FHIT: variants seen among roughly 807,000 people sequenced by gnomAD.
The protein encoded by FHIT is fragile histidine triad diadenosine triphosphatase.
A neutral mutation model predicts 17.9 loss-of-function variants in FHIT; 19 were observed. The observed-to-expected ratio is 1.06, with a 90% CI of 0.74 to 1.56. The LOEUF (loss-of-function observed/expected upper bound fraction) is 1.56, where lower values mean the gene tolerates loss of function less well. Ranked by LOEUF, FHIT falls within the 40% of genes most tolerant of loss-of-function variation. FHIT has a pLI of 0.00. For synonymous variants in FHIT, 81 were observed against 69.7 expected (o/e 1.16, Z -0.81); for missense variants, 248 against 189.2 (o/e 1.31, Z -1.82).
chr3:60,974,680 T>G (rs1157810801), intron 3 of FHIT, among the ~76,000 whole-genome samples: 1 of 152,004 alleles, frequency 6.6e-6, no homozygotes, highest in Non-Finnish European at 1.5e-5. Context: ...TCAACAAGAG[T>G]GATTAACCCT....
At chr3:59,983,454 T>A (rs566640982) in intron 7 of FHIT, among the ~76,000 whole-genome samples, 1 of 152,148 alleles carries the variant, frequency 6.6e-6, no homozygotes, top group Non-Finnish European at 1.5e-5. Context: ...ATTATTAACT[T>A]TGTACTACAA....
At position 60,284,467 on chromosome 3, in the gene FHIT, T is replaced by C. The variant is rs1043132393; in HGVS notation, c.103+252393A>G. The stretch of plus-strand genomic sequence containing the variant: ...GAGTTAATCCTGAAACCTATCCCAC[T>C]TGCCTGTATTTACAAGGTAGGTCAT... On this transcript the variant is annotated intron_variant, in intron 5 of 9. Coordinates refer to ENST00000492590, the MANE Select transcript of FHIT (RefSeq NM_002012.4). Among the ~76,000 whole-genome samples the C allele has an allele frequency of 2.6e-5, 4 of 152,112 alleles. No individual in the cohort carries two copies. The East Asian group carries it at 5.8e-4, about 22-fold the overall frequency.
chr3:60,124,051 G>GAC (rs1559653978), intron 5 of FHIT, among the ~76,000 whole-genome samples: 10 of 118,792 alleles, frequency 8.4e-5, no homozygotes, highest in African/African-American at 2.6e-4. Flanking sequence ...GAGAGAGAGA[G>GAC]AGAGACAGAG....
chr3:60,119,723 G>A (rs1037512854), intron 5 of FHIT, among the ~76,000 whole-genome samples: 3 of 152,068 alleles, frequency 2.0e-5, no homozygotes, highest in Non-Finnish European at 2.9e-5. Context: ...TTGAGTACTG[G>A]TGACTCAATT....
chr3:59,844,491 G>A (rs1264213083), intron 8 of FHIT, among the ~76,000 whole-genome samples: 2 of 150,930 alleles, frequency 1.3e-5, no homozygotes, highest in Non-Finnish European at 3.0e-5. Flanking sequence ...TGTTGAGTGT[G>A]TGTGTCTGTG....
At chr3:59,980,563 C>T (rs1242519155) in intron 7 of FHIT, among the ~76,000 whole-genome samples, 4 of 152,122 alleles carry the variant, frequency 2.6e-5, no homozygotes, top group African/African-American at 9.7e-5. Context: ...ACTAGTGGAG[C>T]TCCTGGATCA....
At chr3:60,358,362 G>C (rs1017737293) in intron 5 of FHIT, among the ~76,000 whole-genome samples, 1 of 152,150 alleles carries the variant, frequency 6.6e-6, no homozygotes, top group African/African-American at 2.4e-5. Context: ...CTGTGAACTT[G>C]CCATGAATTG....
intron 5 of FHIT, among the ~76,000 whole-genome samples, chr3:60,503,601 A>G (rs1166166499): frequency 1.3e-5 from 2 of 152,212 alleles, no homozygotes; most frequent in Middle Eastern, 3.2e-3. Flanking sequence ...AACAAACTAA[A>G]TATTCAAAAC....
chr3:60,479,063 G>C (rs905568537), intron 5 of FHIT, among the ~76,000 whole-genome samples: 1 of 152,198 alleles, frequency 6.6e-6, no homozygotes, highest in African/African-American at 2.4e-5. Flanking sequence ...AAGAGGACTA[G>C]ACTTGAGGGG....
intron 5 of FHIT, among the ~76,000 whole-genome samples, chr3:60,116,684 C>T (rs1704977001): frequency 2.6e-5 from 4 of 151,960 alleles, no homozygotes; most frequent in Admixed American, 2.6e-4. Flanking sequence ...AAAAGTAGCC[C>T]CAATATTAAA....
intron 2 of FHIT, among the ~76,000 whole-genome samples, chr3:61,186,710 G>T (rs1353802508): frequency 6.6e-6 from 1 of 152,206 alleles, no homozygotes; most frequent in African/African-American, 2.4e-5. Context: ...AAATGAGTAA[G>T]CTATCCTGTG....
chr3:60,550,699 G>A (rs1576858959), intron 4 of FHIT, among the ~76,000 whole-genome samples: 1 of 151,356 alleles, frequency 6.6e-6, no homozygotes. Flanking sequence ...AGATGTTCAG[G>A]GATTACATAT....
chr3:60,355,282 G>A (rs1364841667), intron 5 of FHIT, among the ~76,000 whole-genome samples: 2 of 152,164 alleles, frequency 1.3e-5, no homozygotes, highest in African/African-American at 2.4e-5. Context: ...ATTCTTAGCT[G>A]TCATGGACTC....
At chr3:61,214,776 G>A (rs564728783) in intron 1 of FHIT, among the ~76,000 whole-genome samples, 4 of 152,246 alleles carry the variant, frequency 2.6e-5, no homozygotes, top group East Asian at 1.9e-4. Flanking sequence ...CTGGCAAACC[G>A]AATCCAGCAG....
chr3:59,860,696 T>A (rs912676500), intron 8 of FHIT, among the ~76,000 whole-genome samples: 4 of 151,852 alleles, frequency 2.6e-5, no homozygotes. Flanking sequence ...AAAAGTGAGA[T>A]AAAACATCTA....
At position 60,229,707 on chromosome 3, in the gene FHIT, C is replaced by T. The variant is rs539090929; in HGVS notation, c.104-215555G>A. 2.0e-5 allele frequency among the ~76,000 whole-genome samples: 3 copies of T among 152,318 alleles called. No individual in the cohort carries two copies. In the South Asian group the frequency reaches 6.2e-4, roughly 32 times the overall value. ...AAGAAAATAATTAAGAGACTGAGTG[C>T]TGTGGCTCACACTTACGTATAATCC... On this transcript the variant is annotated intron_variant, in intron 5 of 9. Coordinates refer to ENST00000492590, the MANE Select transcript of FHIT (RefSeq NM_002012.4).
chr3:61,140,635 C>T (rs796787574), intron 2 of FHIT, among the ~76,000 whole-genome samples: 16 of 152,316 alleles, frequency 1.1e-4, no homozygotes, highest in African/African-American at 3.8e-4. Context: ...TGACTACAAT[C>T]AAAGCCCGAA....
intron 8 of FHIT, among the ~76,000 whole-genome samples, chr3:59,808,589 G>A (rs1293704329): frequency 1.3e-5 from 2 of 152,130 alleles, no homozygotes; most frequent in African/African-American, 2.4e-5. Flanking sequence ...CAATTTGCCT[G>A]ACACACTGCA....
chr3:60,757,401 G>T (rs1269502578), intron 4 of FHIT, among the ~76,000 whole-genome samples: 1 of 152,178 alleles, frequency 6.6e-6, no homozygotes, highest in African/African-American at 2.4e-5. Flanking sequence ...GCCATTTATG[G>T]TTTGTGATAA....
Sources: gnomAD v4.1 joint callset for allele counts (sites outside exome capture counted in the v4.1 genomes callset) on GRCh38, gnomAD v4.1.1 for gene constraint, MANE v1.5 for transcripts, NCBI Gene and HGNC (gene_info 2026-07-23, HGNC 2026-07-21) for gene names.